Variants in NGEF observed in about 807,000 individuals in gnomAD.
NGEF encodes ephexin-1.
Under a neutral mutation model 80.9 loss-of-function variants are expected in NGEF, and 31 were observed. The observed-to-expected ratio is 0.38, with a 90% CI of 0.29 to 0.52. The LOEUF (loss-of-function observed/expected upper bound fraction) is 0.52, where lower values mean the gene tolerates loss of function less well. Ranked by LOEUF, NGEF falls within the 20% of genes least tolerant of loss-of-function variation. The pLI, the probability that NGEF is intolerant of heterozygous loss-of-function variation, is 0.84. For synonymous variants in NGEF, 371 were observed against 370.2 expected, an observed-to-expected ratio of 1.00 and a Z score of -0.03; for missense variants, 709 against 926.2, an observed-to-expected ratio of 0.77 and a Z score of 3.04.
chr2:232,903,368 C>G (rs1295075785), intron 5 of NGEF, among the ~76,000 whole-genome samples: 1 of 151,988 alleles, frequency 6.6e-6, no homozygotes, highest in African/African-American at 2.4e-5. Context: ...TGAGGGTGCT[C>G]TATTTGGATG....
At chr2:232,903,763 A>C (rs748467686) in intron 5 of NGEF, among the ~76,000 whole-genome samples, 5 of 152,226 alleles carry the variant, frequency 3.3e-5, no homozygotes, top group Non-Finnish European at 7.3e-5. Context: ...TGAGGGTTTA[A>C]TCTAAACAGA....
chr2:232,985,394 A>T (rs1224208187), intron 1 of NGEF, among the ~76,000 whole-genome samples: 1 of 152,180 alleles, frequency 6.6e-6, no homozygotes, highest in Non-Finnish European at 1.5e-5. Flanking sequence ...AGGCGGGCAG[A>T]TCACCTGAGG....
chr2:232,884,418 C>T (rs1474578100), intron 10 of NGEF, among the ~76,000 whole-genome samples: 2 of 152,120 alleles, frequency 1.3e-5, no homozygotes, highest in African/African-American at 4.8e-5. Context: ...TGTTGTGTAC[C>T]CACATGTGAG....
At chr2:232,922,016 T>G (rs1168697359) in intron 4 of NGEF, among the ~76,000 whole-genome samples, 1 of 152,134 alleles carries the variant, frequency 6.6e-6, no homozygotes, top group Non-Finnish European at 1.5e-5. Flanking sequence ...TGGATCGAGA[T>G]GTACCCAGGC....
chr2:232,896,255 A>G (rs1319570462), intron 5 of NGEF, among the ~76,000 whole-genome samples: 1 of 152,206 alleles, frequency 6.6e-6, no homozygotes, highest in Non-Finnish European at 1.5e-5. Flanking sequence ...GCCCCAAACC[A>G]ATAATGGGTG....
chr2:232,889,057 G>A (rs1043967216), intron 8 of NGEF, among the ~76,000 whole-genome samples: 237 of 152,184 alleles, frequency 1.6e-3, no homozygotes, highest in African/African-American at 5.5e-3. Context: ...CCTGACAGCA[G>A]CCCAGGCCTC....
Position 232,906,554 on chromosome 2 carries a change from C to T in NGEF, c.829-11638G>A, listed in dbSNP as rs565426750. ...CAGCCCCCCGCCCGGTCAGCCGCCCCGTCCGGGAGGTGAGGGGCACCTCCC... is the reference window on the plus strand; with the variant it reads ...CAGCCCCCCGCCCGGTCAGCCGCCCTGTCCGGGAGGTGAGGGGCACCTCCC... On this transcript the variant is annotated intron_variant, in intron 5 of 14. Transcript: ENST00000264051. 1.7e-4 allele frequency among the ~76,000 whole-genome samples: 9 copies of T among 54,382 alleles called. 2 individuals carry two copies. In the East Asian group the frequency reaches 3.9e-3, roughly 23 times the overall value. The allele number at this position is 54,382 out of a possible 152,430, so 35.7% of individuals were successfully genotyped here.
intron 1 of NGEF, among the ~76,000 whole-genome samples, chr2:232,976,627 C>T (rs1694301553): frequency 6.6e-6 from 1 of 152,220 alleles, no homozygotes; most frequent in South Asian, 2.1e-4. Flanking sequence ...CCTAGGATGG[C>T]ACCTCCTTCC....
At chr2:232,896,163 T>C (rs908590448) in intron 5 of NGEF, among the ~76,000 whole-genome samples, 1 of 152,188 alleles carries the variant, frequency 6.6e-6, no homozygotes, top group Non-Finnish European at 1.5e-5. Context: ...CACCTGTGAA[T>C]GGGACCTTAT....
intron 5 of NGEF, among the ~76,000 whole-genome samples, chr2:232,900,628 A>T (rs28667055): frequency 6.9e-5 from 8 of 116,234 alleles, no homozygotes; most frequent in African/African-American, 9.9e-5. Context: ...ACACGCTCTC[A>T]CAGTCACTCA....
Position 232,883,191 on chromosome 2 carries a change from G to A in NGEF, c.1757+120C>T, listed in dbSNP as rs562845153. ...GGGTCTGGACGGGAAGGATGGGCAG[G>A]TCGGCTCCACACAGAGCGTGTGTGG... On this transcript the variant is annotated intron_variant, in intron 12 of 14. Coordinates refer to ENST00000264051, the MANE Select transcript of NGEF (RefSeq NM_019850.3). The A allele has an allele frequency of 2.4e-6, 3 of 1,247,060 alleles. No homozygotes were observed. In the African/African-American group the frequency reaches 4.5e-5, roughly 19 times the overall value. 77.2% of individuals were successfully genotyped at this position (1,247,060 alleles called of 1,614,324 possible). A position where few individuals can be genotyped will look rare whatever the true frequency, so the allele number is the denominator to read the frequency against.
intron 3 of NGEF, among the ~76,000 whole-genome samples, chr2:232,961,929 G>T (rs994644929): frequency 2.6e-5 from 4 of 152,232 alleles, no homozygotes; most frequent in African/African-American, 9.6e-5. Context: ...GAGAGAAACA[G>T]GGAGGAGGGG....
intron 3 of NGEF, chr2:232,928,276 G>T: frequency 3.2e-6 from 2 of 623,820 alleles, no homozygotes; most frequent in Non-Finnish European, 2.0e-6. Context: ...GGCTGGGCGC[G>T]ACCCGGGCCC....
chr2:232,974,995 T>G (rs1439678723), intron 1 of NGEF, 31 bp from the exon 2 acceptor site: 2 of 1,150,732 alleles, frequency 1.7e-6, no homozygotes, highest in Non-Finnish European at 2.5e-6. Flanking sequence ...AATTTTCAGT[T>G]AGTCATCAGG....
At position 232,970,327 on chromosome 2, in the gene NGEF, A is replaced by T. The variant is rs1399407605; in HGVS notation, c.270T>A (p.Asp90Glu). ...TTACAGATTTTCCATTGTCCTGTGAATCTGTGACAATTCAGAAATGGAGCA... is the reference window on the plus strand; with the variant it reads ...TTACAGATTTTCCATTGTCCTGTGATTCTGTGACAATTCAGAAATGGAGCA... ...NPERNASCLADSQDNGKSVNE... is the reference protein window; with the variant it reads ...NPERNASCLAESQDNGKSVNE... The change falls in exon 3 of 15, where the codon GAT becomes GAA. Residue 90 changes from aspartate (D) to glutamate (E), a missense_variant and splice_region_variant. Asp to Glu is a conservative substitution (Grantham distance 45, BLOSUM62 2). This residue lies in a region of NGEF where 283 missense variants were observed against 303.4 expected (regional missense o/e 0.93). Coordinates refer to ENST00000264051, the MANE Select transcript of NGEF (RefSeq NM_019850.3). 6.3e-7 allele frequency: 1 copy of T among 1,577,382 alleles called. No individual in the cohort carries two copies. The highest frequency in any genetic ancestry group is 1.8e-5 in the Admixed American group (1 of 55,392).
chr2:232,965,396 C>T (rs187101424), intron 3 of NGEF, among the ~76,000 whole-genome samples: 2 of 152,296 alleles, frequency 1.3e-5, no homozygotes, highest in Middle Eastern at 3.4e-3. Context: ...AGCCGCGACA[C>T]TTTGCATCAG....
chr2:232,902,367 T>C (rs1044240579), intron 5 of NGEF, among the ~76,000 whole-genome samples: 1 of 152,166 alleles, frequency 6.6e-6, no homozygotes, highest in Non-Finnish European at 1.5e-5. Context: ...GCGCAGTCTT[T>C]AGTGAATTCG....
At chr2:232,935,599 C>CA (rs1444968446) in intron 3 of NGEF, among the ~76,000 whole-genome samples, 1 of 152,082 alleles carries the variant, frequency 6.6e-6, no homozygotes, top group Admixed American at 6.6e-5. Context: ...GCCTGGTTGA[C>CA]AGAGTGAGAC....
Position 232,974,028 on chromosome 2 carries a change from A to T in NGEF, c.268+595T>A, listed in dbSNP as rs555073791. 3.3e-3 allele frequency among the ~76,000 whole-genome samples: 496 copies of T among 152,314 alleles called. 1 individual carries two copies. The highest frequency in any genetic ancestry group is 0.011 in the African/African-American group (470 of 41,578). ...ACCCCCAGCAGGCTGCCTGTCAACC[A>T]CAGGAGCACGTCACAAGGAAAAGAG... is the stretch of plus-strand genomic sequence containing the variant. On this transcript the variant is annotated intron_variant, in intron 2 of 14. Transcript: ENST00000264051.
Sources: gnomAD v4.1 joint callset for allele counts (sites outside exome capture counted in the v4.1 genomes callset) on GRCh38, gnomAD v4.1.1 for gene constraint, gnomAD v4.1.1 regional missense constraint, MANE v1.5 for transcripts, NCBI Gene and HGNC (gene_info 2026-07-23, HGNC 2026-07-21) for gene names.